Variants in SYT1 observed in about 807,000 individuals in gnomAD.
SYT1 encodes synaptotagmin-1.
A neutral mutation model predicts 44.8 loss-of-function variants in SYT1; 8 were observed. The observed-to-expected ratio is 0.18, with a 90% confidence interval of 0.10 to 0.32. The LOEUF is 0.32. Among genes scored for constraint, SYT1 ranks in the 10% least tolerant of loss-of-function variants. The probability of loss-of-function intolerance (pLI) is 1.00; values close to 1 mark genes in which losing one functional copy is unlikely to be tolerated. For synonymous variants in SYT1, 154 were observed against 188.8 expected, an observed-to-expected ratio of 0.82 and a Z score of 1.51; for missense variants, 286 against 509.3, an observed-to-expected ratio of 0.56 and a Z score of 4.22.
At chr12:79,224,032 C>T (rs1875336143) in intron 4 of SYT1, among the ~76,000 whole-genome samples, 1 of 152,134 alleles carries the variant, frequency 6.6e-6, no homozygotes, top group East Asian at 1.9e-4. Context: ...ATGCTACTAC[C>T]AGTTACTGTG....
At chr12:79,300,819 A>ATATATATATG (rs1270855944) in intron 8 of SYT1, among the ~76,000 whole-genome samples, 1 of 139,428 alleles carries the variant, frequency 7.2e-6, no homozygotes, top group African/African-American at 2.7e-5. Context: ...ATATATATAT[A>ATATATATATG]TATATTTACT....
intron 3 of SYT1, among the ~76,000 whole-genome samples, chr12:79,204,818 T>C (rs1481677879): frequency 9.3e-6 from 1 of 107,640 alleles, no homozygotes; most frequent in Non-Finnish European, 1.9e-5. Flanking sequence ...GAGTCTCTCT[T>C]TGTCGCCCAG....
chr12:79,053,070 C>T (rs372869629), intron 3 of SYT1, among the ~76,000 whole-genome samples: 10 of 152,040 alleles, frequency 6.6e-5, no homozygotes, highest in South Asian at 2.1e-4. Context: ...ATGTTTATTG[C>T]GGCACTATTC....
At chr12:79,153,607 A>G (rs536887799) in intron 3 of SYT1, among the ~76,000 whole-genome samples, 4 of 152,132 alleles carry the variant, frequency 2.6e-5, no homozygotes, top group Non-Finnish European at 5.9e-5. Context: ...TAATCAAACT[A>G]TGCAGCAATG....
chr12:78,921,648 G>T (rs754476964), intron 1 of SYT1, among the ~76,000 whole-genome samples: 1 of 151,906 alleles, frequency 6.6e-6, no homozygotes, highest in Non-Finnish European at 1.5e-5. Flanking sequence ...GCCCCACCAG[G>T]CTTCTTCCCA....
chr12:79,445,531 C>T (rs1870659383), intron 10 of SYT1, among the ~76,000 whole-genome samples: 2 of 151,674 alleles, frequency 1.3e-5, no homozygotes, highest in South Asian at 2.1e-4. Context: ...TTAGCTTCCA[C>T]ATGAGTAAGA....
intron 9 of SYT1, among the ~76,000 whole-genome samples, chr12:79,423,005 TAAGGA>T (rs1270494215): frequency 2.6e-5 from 4 of 151,940 alleles, no homozygotes; most frequent in African/African-American, 7.3e-5. Context: ...ATGAGAAAAA[TAAGGA>T]TAGTCATTTA....
intron 3 of SYT1, among the ~76,000 whole-genome samples, chr12:79,143,680 T>C (rs866167045): frequency 6.6e-6 from 1 of 152,262 alleles, no homozygotes; most frequent in East Asian, 1.9e-4. Flanking sequence ...TAAAACATTC[T>C]TTTTTTAATT....
At chr12:79,169,374 G>GA (rs1345993473) in intron 3 of SYT1, among the ~76,000 whole-genome samples, 4 of 151,954 alleles carry the variant, frequency 2.6e-5, no homozygotes, top group African/African-American at 9.7e-5. Flanking sequence ...TAAATGGTAT[G>GA]AAAAATGCTT....
chr12:79,063,786 A>G (rs894814723), intron 3 of SYT1, among the ~76,000 whole-genome samples: 1 of 152,142 alleles, frequency 6.6e-6, no homozygotes, highest in Admixed American at 6.6e-5. Context: ...AGTAACAGGT[A>G]CACTACCCTC....
intron 1 of SYT1, among the ~76,000 whole-genome samples, chr12:78,941,984 A>G (rs1049024820): frequency 6.6e-6 from 1 of 152,200 alleles, no homozygotes; most frequent in African/African-American, 2.4e-5. Context: ...TCTTCTAATC[A>G]TTGAGGACAC....
chr12:79,404,241 TGA>T, intron 9 of SYT1, among the ~76,000 whole-genome samples: 1 of 152,178 alleles, frequency 6.6e-6, no homozygotes, highest in Non-Finnish European at 1.5e-5. Flanking sequence ...GTAATTCCCA[TGA>T]ATGGCAGACT....
At chr12:79,443,098 T>G (rs766236301) in intron 9 of SYT1, among the ~76,000 whole-genome samples, 8 of 152,290 alleles carry the variant, frequency 5.3e-5, no homozygotes, top group Admixed American at 1.3e-4. Flanking sequence ...GCCTCTCCAG[T>G]GACTTATTAA....
At chr12:79,105,288 A>G (rs1401932875) in intron 3 of SYT1, among the ~76,000 whole-genome samples, 1 of 152,220 alleles carries the variant, frequency 6.6e-6, no homozygotes, top group Non-Finnish European at 1.5e-5. Flanking sequence ...ACTTCTTGGT[A>G]TGATGCATGT....
intron 4 of SYT1, among the ~76,000 whole-genome samples, chr12:79,254,200 G>A (rs1168761334): frequency 6.6e-6 from 1 of 152,160 alleles, no homozygotes; most frequent in Admixed American, 6.5e-5. Flanking sequence ...TCAAAGGACA[G>A]GCTGACTCTT....
At chr12:79,268,427 A>G (rs7302427) in intron 4 of SYT1, among the ~76,000 whole-genome samples, 1,729 of 152,342 alleles carry the variant, frequency 0.011, 33 homozygotes, top group African/African-American at 0.038. Context: ...TATTTTTCAC[A>G]GTATTTCATA....
intron 3 of SYT1, among the ~76,000 whole-genome samples, chr12:79,172,206 A>T (rs989092304): frequency 6.6e-6 from 1 of 151,992 alleles, no homozygotes; most frequent in African/African-American, 2.4e-5. Flanking sequence ...GCTTTGAACT[A>T]GACAGTTAAA....
At chr12:79,400,184 A>G (rs1405493) in intron 9 of SYT1, among the ~76,000 whole-genome samples, 21,377 of 152,160 alleles carry the variant, frequency 0.14, 1,863 homozygotes, top group Middle Eastern at 0.35. Flanking sequence ...TGCCTAACTT[A>G]TCCTTTATGT....
intron 9 of SYT1, among the ~76,000 whole-genome samples, chr12:79,364,794 T>C (rs1883472510): frequency 6.6e-6 from 1 of 152,184 alleles, no homozygotes; most frequent in Non-Finnish European, 1.5e-5. Flanking sequence ...AAGAGCCGAA[T>C]GCACATTTCG....
Sources: gnomAD v4.1 joint callset for allele counts (sites outside exome capture counted in the v4.1 genomes callset) on GRCh38, gnomAD v4.1.1 for gene constraint, MANE v1.5 for transcripts, NCBI Gene and HGNC (gene_info 2026-07-23, HGNC 2026-07-21) for gene names.